LPIN2: variants seen among roughly 807,000 people sequenced by gnomAD.
LPIN2 encodes lipin 2.
LPIN2 carries 55 observed loss-of-function variants against 111.4 expected under a neutral mutation model. The observed-to-expected ratio is 0.49, with a 90% CI of 0.40 to 0.62. The LOEUF (loss-of-function observed/expected upper bound fraction) is 0.62, where lower values mean the gene tolerates loss of function less well. LPIN2 is among the 20% of genes least tolerant of loss of function. LPIN2 has a pLI of 0.00. For missense variants in LPIN2, 992 were observed against 1,112.1 expected (o/e 0.89, Z 1.54); for synonymous variants, 425 against 414.0 (o/e 1.03, Z -0.32).
At chr18:3,003,606 G>A (rs79000368) in intron 1 of LPIN2, among the ~76,000 whole-genome samples, 13,020 of 152,124 alleles carry the variant, frequency 0.086, 1,370 homozygotes, top group African/African-American at 0.26. Context: ...ATGGACTTTT[G>A]TCACTTCCCT....
rs914826228 is a variant in LPIN2 at position 2,925,986 on chromosome 18, A to G, written c.1794-618T>C. On this transcript the variant is annotated intron_variant, in intron 13 of 19. Transcript: ENST00000677752. This position sits in a 1 kb window ranked among gnomAD's most constrained non-coding sequence, Gnocchi z 4.1. ...CAAGACCCTGTCTCTACAAAATACA[A>G]ATTTAAAAATTAGCCAGGCATGGTG... Among the ~76,000 whole-genome samples, 8 of 152,026 alleles carry G rather than the reference A, an allele frequency of 5.3e-5. No homozygotes were observed. Among genetic ancestry groups the G allele is most frequent in the Non-Finnish European group, 7.4e-5 (5 of 67,990 alleles).
intron 11 of LPIN2, 90 bp downstream of exon 11, chr18:2,928,501 C>A (rs1479712505): frequency 4.1e-6 from 5 of 1,230,618 alleles, no homozygotes; most frequent in African/African-American, 3.0e-5. Flanking sequence ...TTGAATAGTA[C>A]CCAGTTCAGA....
Position 2,989,813 on chromosome 18 carries a change from G to A in LPIN2, c.-10+23274C>T, listed in dbSNP as rs373640147. Among the ~76,000 whole-genome samples the A allele has an allele frequency of 6.8e-4, 104 of 152,008 alleles. 2 individuals carry two copies. The East Asian group carries it at 0.016, about 24-fold the overall frequency. On this transcript the variant is annotated intron_variant, in intron 1 of 19. Coordinates refer to ENST00000677752, the MANE Select transcript of LPIN2 (RefSeq NM_001375808.2). ...CAGGCTCCTGTGGTCCCAGCCACTC[G>A]GGAGGCTGAGGCAGGAGAATCACTT...
intron 14 of LPIN2, among the ~76,000 whole-genome samples, chr18:2,924,857 C>T (rs1228650831): frequency 2.6e-5 from 4 of 152,156 alleles, no homozygotes; most frequent in South Asian, 2.1e-4. Context: ...CTTTTCATAC[C>T]GAAAATGGGT....
intron 1 of LPIN2, among the ~76,000 whole-genome samples, chr18:3,007,764 T>G (rs2078538909): frequency 6.6e-6 from 1 of 152,248 alleles, no homozygotes; most frequent in South Asian, 2.1e-4. Context: ...CTAATTCATA[T>G]TAACGATCTG....
At chr18:2,924,355 C>G in intron 15 of LPIN2, 43 bp downstream of exon 15, 1 of 1,612,884 alleles carries the variant, frequency 6.2e-7, no homozygotes, top group Non-Finnish European at 8.5e-7. Context: ...CCTCCCTGAG[C>G]ACGGGGCTGT....
chr18:3,002,438 C>T (rs678156), intron 1 of LPIN2, among the ~76,000 whole-genome samples: 143,990 of 152,220 alleles, frequency 0.95, 68,363 homozygotes, highest in East Asian at 1. Context: ...AAATTTTAGT[C>T]AAACGCTCAC....
rs755521080 is a variant in LPIN2, at chr18:2,937,798, C to T, written c.1062G>A (p.Gln354=). ...ELLEPPLEST[Q]ISSMLDADHL... ...GGTCAGCATCTAACATAGATGAAAT[C>T]TGAGTACTCTCAAGAGGAGGTTCGA... Residue 354 remains glutamine (Q), a synonymous_variant, in exon 7 of 20, where the codon CAG becomes CAA. Coordinates refer to ENST00000677752, the MANE Select transcript of LPIN2 (RefSeq NM_001375808.2). The T allele has an allele frequency of 3.1e-6, 5 of 1,614,088 alleles. No homozygotes were observed. The highest frequency in any genetic ancestry group is 4.2e-6 in the Non-Finnish European group (5 of 1,180,024).
chr18:2,920,288 C>A lies in LPIN2; in HGVS notation c.*5G>T, dbSNP rs531230516. 6.2e-6 allele frequency: 10 copies of A among 1,614,090 alleles called. No homozygotes were observed. In the South Asian group the frequency reaches 8.8e-5, roughly 14 times the overall value. ...CAAGCCCTGCCCACCCACTGAGGTG[C>A]CGCCTCAAGACAGGTCATCCAGGTC... On this transcript the variant is annotated 3_prime_UTR_variant, in exon 20 of 20. Coordinates refer to ENST00000677752, the MANE Select transcript of LPIN2 (RefSeq NM_001375808.2).
At chr18:2,946,534 CA>C in intron 4 of LPIN2, 1 of 1,540,274 alleles carries the variant, frequency 6.5e-7, no homozygotes, top group East Asian at 2.3e-5. Context: ...ACAGCAAGGC[CA>C]TTTTTTTTCC....
At position 2,954,443 on chromosome 18, in the gene LPIN2, G is replaced by A. The variant is rs577596558; in HGVS notation, c.288+61C>T. On this transcript the variant is annotated intron_variant, in intron 3 of 19. Coordinates refer to ENST00000677752, the MANE Select transcript of LPIN2 (RefSeq NM_001375808.2). The stretch of plus-strand genomic sequence containing the variant: ...TAAAAAACTGCTAAACGGTCCGTCT[G>A]GGCCACGTACCAGAGGCCTGAGCAC... The A allele has an allele frequency of 9.9e-5, 118 of 1,188,766 alleles. No homozygotes were observed. The African/African-American group carries it at 1.6e-3, about 16-fold the overall frequency. The allele number at this position is 1,188,766 out of a possible 1,614,324, so 73.6% of individuals were successfully genotyped here.
intron 4 of LPIN2, among the ~76,000 whole-genome samples, chr18:2,944,395 A>T (rs1451826260): frequency 4.5e-5 from 5 of 110,658 alleles, no homozygotes; most frequent in African/African-American, 1.8e-4. Context: ...TCTGTCGCCC[A>T]GGCTGGAGTG....
chr18:2,928,569 AG>A (rs774682160), intron 11 of LPIN2, 21 bp downstream of exon 11: 24 of 1,613,274 alleles, frequency 1.5e-5, no homozygotes, highest in Non-Finnish European at 1.8e-5. Context: ...TCGGAAAGGC[AG>A]CAGATGGTGG....
Position 2,926,771 on chromosome 18 carries a change from G to A in LPIN2, c.1745C>T (p.Pro582Leu), listed in dbSNP as rs755110304. Residue 582 changes from proline (P) to leucine (L), a missense_variant, in exon 13 of 20, where the codon CCG becomes CTG. Physicochemically the swap from Pro to Leu is moderately conservative, Grantham distance 98. This residue lies in a region of LPIN2 where 709 missense variants were observed against 753.2 expected (regional missense o/e 0.94). Coordinates refer to ENST00000677752, the MANE Select transcript of LPIN2 (RefSeq NM_001375808.2). ...PESKEGKSEA[P>L]PASDLPSSSK... ...GCTGGATGGCAGGTCACTGGCTGGC[G>A]GTGCCTCAGATTTTCCCTCCTTGGA... is the stretch of plus-strand genomic sequence containing the variant. The A allele has an allele frequency of 2.2e-5, 35 of 1,613,598 alleles. No homozygotes were observed. Among genetic ancestry groups the A allele is most frequent in the South Asian group, 1.8e-4 (16 of 91,074 alleles).
Position 2,940,702 on chromosome 18 carries a change from T to A in LPIN2, c.601A>T (p.Asn201Tyr), listed in dbSNP as rs746938405. 2 of 1,606,472 alleles carry A rather than the reference T, an allele frequency of 1.2e-6. No homozygotes were observed. The highest frequency in any genetic ancestry group is 2.2e-5 in the East Asian group (1 of 44,782). Reference protein sequence around the residue: ...KGAQAARGSSNASLKEEECKE... With the variant: ...KGAQAARGSSYASLKEEECKE... ...CATTCTTCTTCTTTCAAGGAAGCAT[T>A]TGAAGATCCTCTGTGAAGGAGAAAC... Residue 201 changes from asparagine (N) to tyrosine (Y), a missense_variant, in exon 5 of 20, where the codon AAT becomes TAT. Coordinates refer to ENST00000677752, the MANE Select transcript of LPIN2 (RefSeq NM_001375808.2).
At chr18:3,005,603 G>C (rs1422511643) in intron 1 of LPIN2, among the ~76,000 whole-genome samples, 1 of 151,966 alleles carries the variant, frequency 6.6e-6, no homozygotes, top group Non-Finnish European at 1.5e-5. Context: ...CTTGATCCCA[G>C]CAGGTCCAGG....
chr18:3,001,824 T>C (rs558757489), intron 1 of LPIN2, among the ~76,000 whole-genome samples: 12 of 152,264 alleles, frequency 7.9e-5, no homozygotes, highest in African/African-American at 2.9e-4. Flanking sequence ...AAAAGATAAA[T>C]AGAACTATTA....
chr18:2,952,743 T>G (rs989223928), intron 3 of LPIN2, among the ~76,000 whole-genome samples: 2 of 152,220 alleles, frequency 1.3e-5, no homozygotes, highest in African/African-American at 4.8e-5. Context: ...TCTTTTTGTT[T>G]CTGGTGGTAT....
chr18:2,926,139 T>A (rs1454859135), intron 13 of LPIN2, among the ~76,000 whole-genome samples: 1 of 151,708 alleles, frequency 6.6e-6, no homozygotes, highest in African/African-American at 2.4e-5. Context: ...CAAAAACTAG[T>A]AAGAAAAATT....
Sources: gnomAD v4.1 joint callset for allele counts (sites outside exome capture counted in the v4.1 genomes callset) on GRCh38, gnomAD v4.1.1 for gene constraint, gnomAD v4.1.1 regional missense constraint, Gnocchi (gnomAD v3.1) non-coding constraint, MANE v1.5 for transcripts, NCBI Gene and HGNC (gene_info 2026-07-23, HGNC 2026-07-21) for gene names.